Variants in LHX8 observed in about 807,000 individuals in gnomAD.
The protein encoded by LHX8 is LIM homeobox 8, also known as LIM/homeobox protein Lhx8.
LHX8 carries 12 observed loss-of-function variants against 40.3 expected under a neutral mutation model. The ratio of observed to expected loss-of-function variants is 0.30; its 90% CI spans 0.19 to 0.48. The LOEUF (loss-of-function observed/expected upper bound fraction) is 0.48, where lower values mean the gene tolerates loss of function less well. Ranked by LOEUF, LHX8 falls within the 20% of genes least tolerant of loss-of-function variation. LHX8 has a pLI of 0.99. For synonymous variants in LHX8, 179 were observed against 162.0 expected (o/e 1.10, Z -0.80); for missense variants, 344 against 433.7 (o/e 0.79, Z 1.84).
the LHX8 span, among the ~76,000 whole-genome samples, chr1:75,166,782 A>G: frequency 6.6e-6 from 1 of 152,218 alleles, no homozygotes; most frequent in African/African-American, 2.4e-5. Flanking sequence ...AGCACTTGCA[A>G]AGGGTCATCA....
chr1:75,141,654 C>T (rs901224785), intron 4 of LHX8, among the ~76,000 whole-genome samples: 8 of 151,984 alleles, frequency 5.3e-5, no homozygotes, highest in African/African-American at 1.9e-4. Flanking sequence ...TTCTTTTGTC[C>T]GATCTTCAGT....
chr1:75,131,540 G>A (rs536625021), upstream of LHX8: 1 of 152,286 alleles, frequency 6.6e-6, no homozygotes, highest in African/African-American at 2.4e-5. Flanking sequence ...TATGCCTTTT[G>A]ATAAGAATTA....
the LHX8 span, among the ~76,000 whole-genome samples, chr1:75,195,415 C>T: frequency 1.3e-5 from 2 of 152,130 alleles, no homozygotes; most frequent in Admixed American, 6.5e-5. Context: ...AGGAAACAGT[C>T]CTTATCCTTA....
intron 6 of LHX8, among the ~76,000 whole-genome samples, chr1:75,145,396 TATA>T (rs1337382075): frequency 6.6e-6 from 1 of 152,152 alleles, no homozygotes; most frequent in African/African-American, 2.4e-5. Context: ...TTTCATTTGA[TATA>T]ATAATTTATT....
the LHX8 span, among the ~76,000 whole-genome samples, chr1:75,175,739 T>C: frequency 1.3e-5 from 2 of 152,282 alleles, no homozygotes; most frequent in Non-Finnish European, 2.9e-5. Flanking sequence ...TTGGTACATA[T>C]GTATACATGT....
chr1:75,134,549 G>T lies in LHX8; in HGVS notation c.-418G>T, dbSNP rs917708158. 4.0e-5 allele frequency among the ~76,000 whole-genome samples: 6 copies of T among 151,872 alleles called. No individual in the cohort carries two copies. The highest frequency in any genetic ancestry group is 1.5e-4 in the African/African-American group (6 of 41,328). On this transcript the variant is annotated 5_prime_UTR_variant, in exon 1 of 9. Transcript: ENST00000356261. ...ATTAGTGGATCGGGGCGGGGGAGGG[G>T]GGAGATCGGCAGACACGGACAGCCT...
chr1:75,140,592 CA>C (rs781433167), intron 3 of LHX8, among the ~76,000 whole-genome samples: 19 of 152,028 alleles, frequency 1.2e-4, no homozygotes, highest in Admixed American at 2.6e-4. Context: ...TCTTTAACCA[CA>C]AGGTTTCATG....
chr1:75,164,161 A>T (rs1006747332), downstream of LHX8, among the ~76,000 whole-genome samples: 3 of 152,338 alleles, frequency 2.0e-5, no homozygotes, highest in Admixed American at 6.5e-5. Flanking sequence ...TTATGAATAG[A>T]GCCTAACATT....
At chr1:75,167,727 G>A in the LHX8 span, among the ~76,000 whole-genome samples, 1 of 152,154 alleles carries the variant, frequency 6.6e-6, no homozygotes, top group South Asian at 2.1e-4. Context: ...CTAGGAGCTA[G>A]CACAGGGCAT....
the LHX8 span, among the ~76,000 whole-genome samples, chr1:75,195,115 C>A: frequency 6.6e-6 from 1 of 152,324 alleles, no homozygotes; most frequent in South Asian, 2.1e-4. Flanking sequence ...CTCTCTACTT[C>A]TTTCCATATC....
intron 7 of LHX8, 106 bp downstream of exon 7, chr1:75,148,788 C>A: frequency 1.3e-6 from 1 of 765,274 alleles, no homozygotes; most frequent in Non-Finnish European, 2.2e-6. Flanking sequence ...AGTGATTCTC[C>A]CACCTCAGCC....
intron 4 of LHX8, among the ~76,000 whole-genome samples, chr1:75,141,347 T>C (rs1648305060): frequency 6.6e-6 from 1 of 151,916 alleles, no homozygotes; most frequent in African/African-American, 2.4e-5. Context: ...CTTTGGGGAG[T>C]GAAAGTTTGA....
downstream of LHX8, among the ~76,000 whole-genome samples, chr1:75,164,293 T>G (rs1026309587): frequency 4.6e-5 from 7 of 152,160 alleles, no homozygotes; most frequent in African/African-American, 1.7e-4. Flanking sequence ...ATTAAAAAAT[T>G]GATATGTCCA....
chr1:75,188,077 G>A, the LHX8 span, among the ~76,000 whole-genome samples: 4 of 152,148 alleles, frequency 2.6e-5, no homozygotes, highest in African/African-American at 9.7e-5. Context: ...TGTTGAGCCA[G>A]CTATGGGAGG....
chr1:75,192,785 TG>T, the LHX8 span, among the ~76,000 whole-genome samples: 177 of 151,744 alleles, frequency 1.2e-3, no homozygotes, highest in African/African-American at 4.0e-3. Context: ...CTCCGTCTCC[TG>T]GGCTCAAGTG....
downstream of LHX8, chr1:75,161,663 A>AT (rs982172755): frequency 8.3e-6 from 1 of 120,422 alleles, no homozygotes; most frequent in Non-Finnish European, 1.9e-5. Flanking sequence ...TAGGAAACAT[A>AT]TTATTCAAAA....
chr1:75,183,441 C>T, the LHX8 span, among the ~76,000 whole-genome samples: 8 of 151,984 alleles, frequency 5.3e-5, no homozygotes, highest in Non-Finnish European at 1.0e-4. Context: ...CAGCGGAAAC[C>T]TTACAAGCCA....
At chr1:75,140,820 G>A (rs1187313897) in intron 3 of LHX8, among the ~76,000 whole-genome samples, 165 bp from the exon 4 acceptor site, 1 of 151,948 alleles carries the variant, frequency 6.6e-6, no homozygotes, top group Non-Finnish European at 1.5e-5. Context: ...CCAGATACAT[G>A]TTTACAAAAA....
intron 6 of LHX8, among the ~76,000 whole-genome samples, chr1:75,148,094 T>C (rs1648509845): frequency 1.3e-5 from 2 of 152,172 alleles, no homozygotes; most frequent in South Asian, 4.1e-4. Flanking sequence ...ATAGAGCTAG[T>C]GCTCAAAACT....
Sources: gnomAD v4.1 joint callset for allele counts (sites outside exome capture counted in the v4.1 genomes callset) on GRCh38, gnomAD v4.1.1 for gene constraint, MANE v1.5 for transcripts, NCBI Gene and HGNC (gene_info 2026-07-23, HGNC 2026-07-21) for gene names.